The following KCTD20 variants were observed in gnomAD, a reference collection of about 807,000 sequenced individuals.
KCTD20 encodes the protein potassium channel tetramerization domain containing 20.
In KCTD20, 30 loss-of-function variants were observed where a neutral mutation model predicts 39.6. The observed-to-expected ratio is 0.76, with a 90% CI of 0.57 to 1.03. KCTD20 has a LOEUF of 1.03. Ranked by LOEUF, KCTD20 falls within the 50% of genes least tolerant of loss-of-function variation. KCTD20 has a pLI of 0.00. For missense variants in KCTD20, 422 were observed against 522.0 expected (o/e 0.81, Z 1.87); for synonymous variants, 162 against 180.6 (o/e 0.90, Z 0.83).
intron 1 of KCTD20, among the ~76,000 whole-genome samples, chr6:36,464,334 T>G (rs1405377118): frequency 6.6e-6 from 1 of 152,182 alleles, no homozygotes; most frequent in African/African-American, 2.4e-5. Flanking sequence ...TATGAATGAA[T>G]GAGAGAGACT....
intron 1 of KCTD20, among the ~76,000 whole-genome samples, chr6:36,467,820 G>C (rs1292955237): frequency 6.6e-6 from 1 of 152,102 alleles, no homozygotes. Flanking sequence ...ATATTATACA[G>C]CCCTTAAAAA....
rs767291266 is a variant in KCTD20, at chr6:36,470,154, C to T, written c.57C>T (p.Cys19=). The T allele has an allele frequency of 4.5e-5, 73 of 1,613,880 alleles. No homozygotes were observed. The highest frequency in any genetic ancestry group is 4.2e-6 in the Non-Finnish European group (5 of 1,179,964). The change falls in exon 2 of 8, where the codon TGC becomes TGT. Residue 19 remains cysteine (C), a synonymous_variant. Transcript: ENST00000373731. ...GGTTATTGCGGCAGGAGGCCAGCTG[C>T]TTAGTGGATGATACTTTAGCTGTAG... ...SDRLLRQEAS[C]LVDDTLAVAQ...
At chr6:36,449,075 T>C (rs1561941268) in intron 1 of KCTD20, among the ~76,000 whole-genome samples, 1 of 152,148 alleles carries the variant, frequency 6.6e-6, no homozygotes, top group Non-Finnish European at 1.5e-5. Flanking sequence ...GCAAGACTTA[T>C]TGTGAGGAGC....
intron 1 of KCTD20, chr6:36,452,695 AC>A (rs1775296098): frequency 6.6e-6 from 1 of 151,582 alleles, no homozygotes; most frequent in Non-Finnish European, 1.5e-5. Context: ...ACACCATGAC[AC>A]CTGGCTAATT....
intron 1 of KCTD20, among the ~76,000 whole-genome samples, chr6:36,462,621 T>C (rs79424379): frequency 5.3e-5 from 8 of 152,326 alleles, no homozygotes; most frequent in South Asian, 4.1e-4. Flanking sequence ...TTGAGAACCA[T>C]TGGACAATAT....
At chr6:36,467,467 T>TAGCTGGGACTACAGGCGCCCCCACCACGC (rs1775793692) in intron 1 of KCTD20, among the ~76,000 whole-genome samples, 1 of 145,964 alleles carries the variant, frequency 6.9e-6, no homozygotes, top group Non-Finnish European at 1.5e-5. Flanking sequence ...GCCTCCCGAG[T>TAGCTGGGACTACAGGCGCCCCCACCACGC]AGCTGGGACT....
At chr6:36,447,722 A>G (rs1326123555) in intron 1 of KCTD20, among the ~76,000 whole-genome samples, 1 of 151,622 alleles carries the variant, frequency 6.6e-6, no homozygotes, top group Non-Finnish European at 1.5e-5. Flanking sequence ...TGGGTGCTGT[A>G]GCTCACACCT....
At chr6:36,459,394 C>T (rs1449720091) in intron 1 of KCTD20, among the ~76,000 whole-genome samples, 1 of 152,230 alleles carries the variant, frequency 6.6e-6, no homozygotes, top group African/African-American at 2.4e-5. Flanking sequence ...CATAATTTTT[C>T]ACTTCATATT....
intron 2 of KCTD20, among the ~76,000 whole-genome samples, chr6:36,473,298 A>G (rs1270961250): frequency 6.6e-6 from 1 of 151,702 alleles, no homozygotes; most frequent in Non-Finnish European, 1.5e-5. Context: ...CTGACCTCAG[A>G]TGATCTGCCC....
chr6:36,461,809 A>C (rs1248200392), intron 1 of KCTD20, among the ~76,000 whole-genome samples: 1 of 152,150 alleles, frequency 6.6e-6, no homozygotes, highest in Admixed American at 6.6e-5. Context: ...AAGCAATTCT[A>C]ATCTTGTCAC....
intron 7 of KCTD20, among the ~76,000 whole-genome samples, chr6:36,486,310 A>G (rs1208823327): frequency 2.0e-5 from 3 of 152,204 alleles, no homozygotes; most frequent in African/African-American, 7.2e-5. Flanking sequence ...CTGTTTTACC[A>G]TTAGAACATT....
In KCTD20 at chr6:36,475,755, A is replaced by T. The variant is rs576257713; in HGVS notation, c.434+693A>T. ...CTAAATCTTGCTCCCTTTTTAAAAA[A>T]AAAAATAACAGTATTAGGCAAATGT... is the stretch of plus-strand genomic sequence containing the variant. On this transcript the variant is annotated intron_variant, in intron 3 of 7. Coordinates refer to ENST00000373731, the MANE Select transcript of KCTD20 (RefSeq NM_173562.5). Among the ~76,000 whole-genome samples, 43 of 137,388 alleles carry T rather than the reference A, an allele frequency of 3.1e-4. No individual in the cohort carries two copies. The East Asian group carries it at 7.4e-3, about 24-fold the overall frequency. 90.1% of individuals were successfully genotyped at this position (137,388 alleles called of 152,430 possible).
intron 6 of KCTD20, among the ~76,000 whole-genome samples, chr6:36,482,517 C>T (rs767532876): frequency 6.6e-6 from 1 of 152,176 alleles, no homozygotes; most frequent in Non-Finnish European, 1.5e-5. Flanking sequence ...CACGCCATTG[C>T]GCTCCAGCCC....
At chr6:36,483,263 CTTTTTTTT>C (rs766717414) in intron 6 of KCTD20, among the ~76,000 whole-genome samples, 4 of 76,734 alleles carry the variant, frequency 5.2e-5, no homozygotes, top group East Asian at 1.1e-3. Flanking sequence ...GTGGCTTTTT[CTTTTTTTT>C]TTTTTTTTTT....
At chr6:36,456,574 C>G (rs887306298) in intron 1 of KCTD20, among the ~76,000 whole-genome samples, 1 of 143,522 alleles carries the variant, frequency 7.0e-6, no homozygotes, top group African/African-American at 2.6e-5. Context: ...CCACCACGCC[C>G]AGGCTTTTTT....
At chr6:36,455,655 G>A (rs141141665) in intron 1 of KCTD20, among the ~76,000 whole-genome samples, 1 of 152,168 alleles carries the variant, frequency 6.6e-6, no homozygotes, top group Non-Finnish European at 1.5e-5. Context: ...TTATTGCAAA[G>A]AATTGGTTCA....
chr6:36,453,173 TA>T (rs1775320035), intron 1 of KCTD20, among the ~76,000 whole-genome samples: 1 of 151,390 alleles, frequency 6.6e-6, no homozygotes. Context: ...ACTGCCTGGC[TA>T]ATTTTTTTTG....
At chr6:36,445,010 C>A (rs1360763041) in intron 1 of KCTD20, among the ~76,000 whole-genome samples, 1 of 152,084 alleles carries the variant, frequency 6.6e-6, no homozygotes, top group East Asian at 1.9e-4. Flanking sequence ...GCCTGTAATC[C>A]CAGCAATTTG....
chr6:36,456,180 G>C (rs7743624), intron 1 of KCTD20, among the ~76,000 whole-genome samples: 1 of 152,154 alleles, frequency 6.6e-6, no homozygotes, highest in Admixed American at 6.5e-5. Context: ...TCTGAGGCCA[G>C]GTACAGTAGC....
Sources: allele counts gnomAD v4.1 joint callset (sites outside exome capture counted in the v4.1 genomes callset), GRCh38; gene constraint gnomAD v4.1.1; transcripts MANE v1.5; gene names NCBI Gene and HGNC (gene_info 2026-07-23, HGNC 2026-07-21).